Variants in SV2C observed in about 807,000 individuals in gnomAD.
SV2C encodes the protein solute carrier family 22 member B3.
Under a neutral mutation model 79.7 loss-of-function variants are expected in SV2C, and 49 were observed. The observed-to-expected ratio is 0.61, with a 90% CI of 0.49 to 0.78. SV2C has a LOEUF of 0.78. Ranked by LOEUF, SV2C falls within the 30% of genes least tolerant of loss-of-function variation. The pLI, the probability that SV2C is intolerant of heterozygous loss-of-function variation, is 0.00. For synonymous variants in SV2C, 334 were observed against 333.2 expected, an observed-to-expected ratio of 1.00 and a Z score of -0.03; for missense variants, 833 against 912.9, an observed-to-expected ratio of 0.91 and a Z score of 1.13.
At chr5:76,083,650 C>G (rs1419356309) in intron 1 of SV2C, 138 bp downstream of exon 1, 1 of 152,340 alleles carries the variant, frequency 6.6e-6, no homozygotes, top group African/African-American at 2.4e-5. Flanking sequence ...GCCCCGCCTG[C>G]CCCCGGGGAA....
intron 4 of SV2C, among the ~76,000 whole-genome samples, chr5:76,258,932 G>A (rs947393610): frequency 3.9e-5 from 6 of 152,166 alleles, no homozygotes; most frequent in East Asian, 3.9e-4. Flanking sequence ...TCTTTCACTC[G>A]GCATGTTTTT....
At chr5:76,341,887 A>G (rs986518604) in intron 12 of SV2C, among the ~76,000 whole-genome samples, 5 of 152,176 alleles carry the variant, frequency 3.3e-5, no homozygotes, top group African/African-American at 1.2e-4. Flanking sequence ...GAACCTTGGC[A>G]TTGCCTAACT....
the SV2C span, among the ~76,000 whole-genome samples, chr5:75,887,319 T>G: frequency 6.6e-6 from 1 of 152,084 alleles, no homozygotes; most frequent in Non-Finnish European, 1.5e-5. Context: ...TTATTCCTCC[T>G]GTTTAACTGA....
chr5:75,936,213 C>T, the SV2C span, among the ~76,000 whole-genome samples: 2 of 152,144 alleles, frequency 1.3e-5, no homozygotes, highest in Non-Finnish European at 2.9e-5. Context: ...CTCTCTCCAG[C>T]GCCCAGGTTC....
the SV2C span, among the ~76,000 whole-genome samples, chr5:75,938,896 G>A: frequency 1.3e-5 from 2 of 152,130 alleles, no homozygotes; most frequent in Non-Finnish European, 2.9e-5. Context: ...GCTCCCTAGA[G>A]TAACAGTACT....
At chr5:75,967,826 G>C in the SV2C span, among the ~76,000 whole-genome samples, 1 of 152,188 alleles carries the variant, frequency 6.6e-6, no homozygotes, top group Non-Finnish European at 1.5e-5. Flanking sequence ...GAGAGTAGTG[G>C]TTCTCCCAGC....
chr5:76,284,778 G>A (rs535444002), intron 4 of SV2C, among the ~76,000 whole-genome samples: 1 of 152,250 alleles, frequency 6.6e-6, no homozygotes, highest in Non-Finnish European at 1.5e-5. Flanking sequence ...GGTTGATGCA[G>A]TCCACAGAGG....
At chr5:76,088,726 G>A (rs1194655629) in intron 1 of SV2C, among the ~76,000 whole-genome samples, 1 of 152,088 alleles carries the variant, frequency 6.6e-6, no homozygotes, top group Admixed American at 6.5e-5. Flanking sequence ...GTATTTGAGT[G>A]TCCTATATTT....
chr5:76,058,987 C>T, the SV2C span, among the ~76,000 whole-genome samples: 4 of 152,132 alleles, frequency 2.6e-5, no homozygotes, highest in East Asian at 3.9e-4. Context: ...ATAAGAATCA[C>T]GTACATTTTT....
intron 4 of SV2C, among the ~76,000 whole-genome samples, chr5:76,235,420 G>C (rs1431396894): frequency 6.6e-6 from 1 of 152,150 alleles, no homozygotes; most frequent in African/African-American, 2.4e-5. Context: ...TTTATCAGTG[G>C]TGAAAGAAAA....
chr5:75,973,579 C>A, the SV2C span, among the ~76,000 whole-genome samples: 17,674 of 151,646 alleles, frequency 0.12, 3,045 homozygotes, highest in African/African-American at 0.37. Flanking sequence ...GAAAGATAGA[C>A]GAGGGGAGAT....
At chr5:76,148,064 T>G (rs1698438734) in intron 2 of SV2C, among the ~76,000 whole-genome samples, 1 of 152,190 alleles carries the variant, frequency 6.6e-6, no homozygotes, top group Admixed American at 6.5e-5. Flanking sequence ...AATTATATAT[T>G]AAATAAGAGC....
At chr5:75,964,963 A>G in the SV2C span, among the ~76,000 whole-genome samples, 1 of 152,216 alleles carries the variant, frequency 6.6e-6, no homozygotes, top group African/African-American at 2.4e-5. Context: ...GCATCCCAAT[A>G]CAAACCGCAA....
the SV2C span, among the ~76,000 whole-genome samples, chr5:75,990,430 T>A: frequency 1.3e-5 from 2 of 152,030 alleles, no homozygotes; most frequent in Non-Finnish European, 2.9e-5. Flanking sequence ...TCCTGCATCA[T>A]GTGCACTGCG....
intron 1 of SV2C, among the ~76,000 whole-genome samples, chr5:76,118,340 G>A (rs769781866): frequency 1.4e-4 from 21 of 152,046 alleles, no homozygotes; most frequent in Non-Finnish European, 2.2e-4. Context: ...AATAATCTAC[G>A]ATTATTTCAT....
chr5:76,030,932 A>G, the SV2C span, among the ~76,000 whole-genome samples: 1 of 152,240 alleles, frequency 6.6e-6, no homozygotes, highest in Non-Finnish European at 1.5e-5. Context: ...ATAAATTAAT[A>G]CATAAATCAA....
the SV2C span, among the ~76,000 whole-genome samples, chr5:75,976,950 G>A: frequency 1.3e-5 from 2 of 152,252 alleles, no homozygotes; most frequent in East Asian, 1.9e-4. Flanking sequence ...AATCAAGGAT[G>A]CTCATTACAA....
intron 6 of SV2C, among the ~76,000 whole-genome samples, chr5:76,288,430 G>T (rs1265285705): frequency 6.6e-6 from 1 of 152,296 alleles, no homozygotes; most frequent in South Asian, 2.1e-4. Flanking sequence ...AGGCCTGGAA[G>T]CTTTTGAGGA....
intron 12 of SV2C, among the ~76,000 whole-genome samples, chr5:76,350,929 G>T (rs1267857295): frequency 2.0e-5 from 3 of 151,584 alleles, no homozygotes; most frequent in Non-Finnish European, 4.4e-5. Flanking sequence ...CATGAGAATC[G>T]CTTGAACCCG....
Sources: gnomAD v4.1 joint callset for allele counts (sites outside exome capture counted in the v4.1 genomes callset) on GRCh38, gnomAD v4.1.1 for gene constraint, MANE v1.5 for transcripts, NCBI Gene and HGNC (gene_info 2026-07-23, HGNC 2026-07-21) for gene names.